SEC23IP: variants seen among roughly 807,000 people sequenced by gnomAD.
SEC23IP encodes SEC23 interacting protein, also known as SEC23-interacting protein.
In SEC23IP, 70 loss-of-function variants were observed where a neutral mutation model predicts 113.4. The ratio of observed to expected loss-of-function variants is 0.62; its 90% confidence interval spans 0.51 to 0.75. The LOEUF (loss-of-function observed/expected upper bound fraction) is 0.75, where lower values mean the gene tolerates loss of function less well. Ranked by LOEUF, SEC23IP falls within the 30% of genes least tolerant of loss-of-function variation. The probability of loss-of-function intolerance (pLI) is 0.00; values close to 1 mark genes in which losing one functional copy is unlikely to be tolerated. For synonymous variants in SEC23IP, 398 were observed against 421.0 expected (o/e 0.95, Z 0.67); for missense variants, 1,160 against 1,204.9 (o/e 0.96, Z 0.55).
intron 13 of SEC23IP, 62 bp downstream of exon 13, chr10:119,926,289 G>T: frequency 6.9e-7 from 1 of 1,445,874 alleles, no homozygotes; most frequent in South Asian, 1.4e-5. Flanking sequence ...TTTATCATTT[G>T]GGTTGGCTTT....
At chr10:119,899,237 TAA>T (rs1400597771) in intron 2 of SEC23IP, among the ~76,000 whole-genome samples, 2 of 152,202 alleles carry the variant, frequency 1.3e-5, no homozygotes, top group African/African-American at 4.8e-5. Flanking sequence ...ACGGTAAAAA[TAA>T]GTGTTGTCTA....
chr10:119,911,628 A>G (rs12766746), intron 5 of SEC23IP, among the ~76,000 whole-genome samples: 8,305 of 151,986 alleles, frequency 0.055, 427 homozygotes, highest in South Asian at 0.27. Flanking sequence ...GGCATGCACT[A>G]CCATGCCTGG....
At chr10:119,908,939 T>A in intron 4 of SEC23IP, 102 bp from the exon 5 acceptor site, 2 of 725,084 alleles carry the variant, frequency 2.8e-6, no homozygotes, top group South Asian at 3.7e-5. Flanking sequence ...CTGCTATTAC[T>A]GTTATTTTTA....
chr10:119,926,256 T>C, intron 13 of SEC23IP, 29 bp downstream of exon 13: 3 of 1,569,966 alleles, frequency 1.9e-6, no homozygotes, highest in Non-Finnish European at 2.6e-6. Context: ...TGGGGCTACA[T>C]AGTTCATGTT....
In SEC23IP at chr10:119,944,119, A is replaced by G. The variant is rs1312026460; in HGVS notation, c.*3554A>G. 2 of 152,154 alleles carry G rather than the reference A, an allele frequency of 1.3e-5. No individual in the cohort carries two copies. Among genetic ancestry groups the G allele is most frequent in the African/African-American group, 4.8e-5 (2 of 41,420 alleles). The allele number at this position is 152,154 out of a possible 1,614,324, so 9.4% of individuals were successfully genotyped here. A position where few individuals can be genotyped will look rare whatever the true frequency, so the allele number is the denominator to read the frequency against. ...AATCTCATCTTGAATTGTAATCCCC[A>G]CGTGTCAGGGGAGGGACCTGGTGGG... On this transcript the variant is annotated 3_prime_UTR_variant, in exon 19 of 19. Transcript: ENST00000369075.
At chr10:119,913,794 C>T (rs61867978) in intron 6 of SEC23IP, among the ~76,000 whole-genome samples, 8,262 of 151,908 alleles carry the variant, frequency 0.054, 414 homozygotes, top group South Asian at 0.27. Context: ...ACCCGGCCCA[C>T]AAAACTTTAT....
chr10:119,920,989 A>G lies in SEC23IP; in HGVS notation c.2121+5A>G. 1 of 1,603,160 alleles carries G rather than the reference A, an allele frequency of 6.2e-7. No individual in the cohort carries two copies. Among genetic ancestry groups the G allele is most frequent in the Non-Finnish European group, 8.5e-7 (1 of 1,170,278 alleles). ...GAACATAAAGCAGCCAAACTGGTAA[A>G]GTTCACCTCTGACTCAAGAAAAACT... On this transcript the variant is annotated splice_donor_5th_base_variant and intron_variant, in intron 12 of 18. Coordinates refer to ENST00000369075, the MANE Select transcript of SEC23IP (RefSeq NM_007190.4).
chr10:119,936,312 T>A (rs1427960770), intron 18 of SEC23IP, among the ~76,000 whole-genome samples: 1 of 151,988 alleles, frequency 6.6e-6, no homozygotes. Flanking sequence ...GTAATCCCAG[T>A]TTGAGAGGCC....
At chr10:119,909,860 TGGGTGA>T (rs1854802958) in intron 5 of SEC23IP, among the ~76,000 whole-genome samples, 1 of 152,224 alleles carries the variant, frequency 6.6e-6, no homozygotes, top group African/African-American at 2.4e-5. Context: ...CACTCCAGCC[TGGGTGA>T]CACAGCAAGA....
chr10:119,912,335 G>C (rs1024512535), intron 6 of SEC23IP, among the ~76,000 whole-genome samples, 171 bp downstream of exon 6: 2 of 152,104 alleles, frequency 1.3e-5, no homozygotes, highest in African/African-American at 4.8e-5. Flanking sequence ...GTTTTGCCAT[G>C]TTGCCCAGAC....
chr10:119,935,801 G>A (rs1294458479), intron 18 of SEC23IP, among the ~76,000 whole-genome samples: 1 of 152,214 alleles, frequency 6.6e-6, no homozygotes, highest in Non-Finnish European at 1.5e-5. Context: ...AGTTATTAAT[G>A]TATATAAGAT....
chr10:119,906,421 T>G (rs1854668105), intron 4 of SEC23IP, among the ~76,000 whole-genome samples: 1 of 151,862 alleles, frequency 6.6e-6, no homozygotes, highest in South Asian at 2.1e-4. Flanking sequence ...TTTTTTTTTT[T>G]TTTTGGTAAA....
At chr10:119,930,236 C>A in intron 14 of SEC23IP, 93 bp from the exon 15 acceptor site, 1 of 590,738 alleles carries the variant, frequency 1.7e-6, no homozygotes, top group African/African-American at 1.9e-5. Flanking sequence ...CTCTGATTTG[C>A]CATGTATCCA....
At chr10:119,925,386 A>G (rs1022447690) in intron 12 of SEC23IP, among the ~76,000 whole-genome samples, 1 of 152,184 alleles carries the variant, frequency 6.6e-6, no homozygotes, top group Non-Finnish European at 1.5e-5. Flanking sequence ...AGATTCGTCT[A>G]ATGAGAGCCA....
intron 18 of SEC23IP, among the ~76,000 whole-genome samples, chr10:119,937,046 C>G (rs1300991060): frequency 1.3e-5 from 2 of 151,708 alleles, no homozygotes; most frequent in East Asian, 3.9e-4. Context: ...CGCTGCTGTG[C>G]CCAGCTAATT....
chr10:119,929,549 AT>A, intron 13 of SEC23IP, 57 bp from the exon 14 acceptor site: 1 of 1,502,584 alleles, frequency 6.7e-7, no homozygotes, highest in South Asian at 1.2e-5. Context: ...ATTCAAAAGA[AT>A]TTTCTACTAG....
chr10:119,938,544 T>A (rs1397105196), intron 18 of SEC23IP, among the ~76,000 whole-genome samples: 1 of 152,336 alleles, frequency 6.6e-6, no homozygotes. Flanking sequence ...AGTGTCACAA[T>A]CAACAGTGTC....
At chr10:119,922,625 T>C (rs936510219) in intron 12 of SEC23IP, among the ~76,000 whole-genome samples, 3 of 152,074 alleles carry the variant, frequency 2.0e-5, no homozygotes, top group African/African-American at 7.2e-5. Flanking sequence ...GTACAGTGAC[T>C]GAAAGAGAGA....
At chr10:119,927,055 A>C (rs1374239765) in intron 13 of SEC23IP, among the ~76,000 whole-genome samples, 1 of 152,050 alleles carries the variant, frequency 6.6e-6, no homozygotes, top group African/African-American at 2.4e-5. Flanking sequence ...CTGCACCACC[A>C]CACCTGGCTA....
Sources: allele counts gnomAD v4.1 joint callset (sites outside exome capture counted in the v4.1 genomes callset), GRCh38; gene constraint gnomAD v4.1.1; transcripts MANE v1.5; gene names NCBI Gene and HGNC (gene_info 2026-07-23, HGNC 2026-07-21).